The following PPFIBP2 variants were observed in gnomAD, a reference collection of about 807,000 sequenced individuals.
PPFIBP2 encodes the protein PPFIB scaffold protein 2.
In PPFIBP2, 118 loss-of-function variants were observed where a neutral mutation model predicts 118.3. The ratio of observed to expected loss-of-function variants is 1.00; its 90% CI spans 0.86 to 1.16. PPFIBP2 has a LOEUF of 1.16. Ranked by LOEUF, PPFIBP2 falls within the 50% of genes most tolerant of loss-of-function variation. The pLI, the probability that PPFIBP2 is intolerant of heterozygous loss-of-function variation, is 0.00. For missense variants in PPFIBP2, 1,195 were observed against 1,073.1 expected (o/e 1.11, Z -1.59); for synonymous variants, 414 against 397.4 (o/e 1.04, Z -0.50).
chr11:7,667,058 C>T, the PPFIBP2 span: 1 of 152,486 alleles, frequency 6.6e-6, no homozygotes, highest in African/African-American at 2.4e-5. Context: ...CAAAAATAAC[C>T]TGTCACAGCC....
intron 19 of PPFIBP2, 96 bp from the exon 20 acceptor site, chr11:7,649,051 A>G: frequency 7.1e-7 from 1 of 1,408,276 alleles, no homozygotes; most frequent in South Asian, 1.2e-5. Context: ...GGGGGAATAA[A>G]ACGAACCTCA....
intron 2 of PPFIBP2, among the ~76,000 whole-genome samples, chr11:7,562,472 ACATTCCTGTCATATCCTAT>A (rs1206065389): frequency 6.6e-6 from 1 of 152,164 alleles, no homozygotes; most frequent in African/African-American, 2.4e-5. Flanking sequence ...CTTGGAAGTG[ACATTCCTGTCATATCCTAT>A]CATTTCTGTC....
chr11:7,661,401 A>G (rs1433415226), downstream of PPFIBP2, among the ~76,000 whole-genome samples: 2 of 151,256 alleles, frequency 1.3e-5, no homozygotes, highest in Non-Finnish European at 2.9e-5. Context: ...TCATTTCGTT[A>G]TGTTCCAAGT....
In PPFIBP2 at chr11:7,560,856, C is replaced by A. The variant is rs143929136; in HGVS notation, c.65-4697C>A. Among the ~76,000 whole-genome samples, 1,386 of 152,288 alleles carry A rather than the reference C, an allele frequency of 9.1e-3. 15 individuals are homozygous for A. Among genetic ancestry groups the A allele is most frequent in the Middle Eastern group, 0.014 (4 of 294 alleles). On this transcript the variant is annotated intron_variant, in intron 2 of 23. Transcript: ENST00000299492. ...ATTTACGTAGGTGAAAATTGAATAT[C>A]ATTTTTAAATGTTCTATTTACCAAT...
intron 20 of PPFIBP2, 67 bp downstream of exon 20, chr11:7,649,302 G>C: frequency 7.0e-7 from 1 of 1,433,390 alleles, no homozygotes; most frequent in South Asian, 1.2e-5. Context: ...TACCCATGGT[G>C]GTTATTTTAA....
intron 3 of PPFIBP2, among the ~76,000 whole-genome samples, chr11:7,575,376 C>T (rs1856168383): frequency 1.3e-5 from 2 of 151,390 alleles, no homozygotes; most frequent in East Asian, 1.9e-4. Context: ...ACACCTGAGC[C>T]ACAGCTCTAT....
downstream of PPFIBP2, among the ~76,000 whole-genome samples, chr11:7,655,799 C>G (rs1046017713): frequency 2.6e-5 from 4 of 151,798 alleles, no homozygotes; most frequent in African/African-American, 9.7e-5. Flanking sequence ...GATGAGGAAA[C>G]CAAGATGCTC....
chr11:7,549,465 C>G lies in PPFIBP2; in HGVS notation c.-11C>G, dbSNP rs2134528703. ...TAAGAAGAGGAGGAGGCCAGGCAGG[C>G]AAAAGGAGTCATGGCTTCTGATGCT... On this transcript the variant is annotated 5_prime_UTR_variant, in exon 2 of 24. Coordinates refer to ENST00000299492, the MANE Select transcript of PPFIBP2 (RefSeq NM_003621.5). The G allele has an allele frequency of 1.3e-6, 2 of 1,557,172 alleles. No homozygotes were observed. Among genetic ancestry groups the G allele is most frequent in the Non-Finnish European group, 1.7e-6 (2 of 1,149,980 alleles).
At chr11:7,659,551 C>G (rs1197058106), downstream of PPFIBP2, among the ~76,000 whole-genome samples, 1 of 148,458 alleles carries the variant, frequency 6.7e-6, no homozygotes, top group East Asian at 1.9e-4. Context: ...GTTACTGTAG[C>G]CTTGTAGTAT....
At chr11:7,560,405 G>GTA (rs555013012) in intron 2 of PPFIBP2, among the ~76,000 whole-genome samples, 39 of 152,042 alleles carry the variant, frequency 2.6e-4, no homozygotes, top group South Asian at 1.2e-3. Flanking sequence ...GTATTTCTCT[G>GTA]TATATATATA....
At chr11:7,544,169 C>G (rs1026484093) in intron 1 of PPFIBP2, among the ~76,000 whole-genome samples, 11 of 152,196 alleles carry the variant, frequency 7.2e-5, no homozygotes, top group Admixed American at 5.9e-4. Flanking sequence ...TTTTCTTAAA[C>G]AACATACCCT....
chr11:7,610,018 A>G (rs756869789), intron 5 of PPFIBP2, among the ~76,000 whole-genome samples: 9 of 152,368 alleles, frequency 5.9e-5, no homozygotes, highest in Non-Finnish European at 1.2e-4. Flanking sequence ...CATGGAAATA[A>G]TGAATAATGG....
chr11:7,648,758 C>T (rs1055616758), intron 18 of PPFIBP2, 42 bp from the exon 19 acceptor site: 11 of 1,586,428 alleles, frequency 6.9e-6, no homozygotes, highest in East Asian at 2.2e-5. Flanking sequence ...GGCCAAATTG[C>T]CTGCCAAAAT....
At chr11:7,597,927 A>G (rs1345536469) in intron 5 of PPFIBP2, 2 of 411,586 alleles carry the variant, frequency 4.9e-6, no homozygotes, top group Non-Finnish European at 8.9e-6. Flanking sequence ...ATTCCCAGAC[A>G]GCACTTTCTC....
intron 15 of PPFIBP2, chr11:7,640,933 C>T: frequency 2.0e-6 from 2 of 987,784 alleles, no homozygotes; most frequent in Non-Finnish European, 2.8e-6. Flanking sequence ...CTCGATGACA[C>T]TCTTTTGTTT....
intron 10 of PPFIBP2, among the ~76,000 whole-genome samples, chr11:7,629,958 G>A (rs1044210057): frequency 6.6e-6 from 1 of 152,232 alleles, no homozygotes; most frequent in African/African-American, 2.4e-5. Context: ...CCCTCTGGGA[G>A]CCTTCCTCGA....
chr11:7,618,986 T>C (rs551270362), intron 6 of PPFIBP2, among the ~76,000 whole-genome samples: 2 of 149,282 alleles, frequency 1.3e-5, no homozygotes, highest in South Asian at 2.1e-4. Flanking sequence ...AATTCAAGGG[T>C]AAGCAATGTC....
chr11:7,517,927 G>T (rs544983818), intron 1 of PPFIBP2, among the ~76,000 whole-genome samples: 4 of 152,342 alleles, frequency 2.6e-5, no homozygotes, highest in South Asian at 4.1e-4. Context: ...TTCCAGTGGG[G>T]TCCTCCGCAG....
the PPFIBP2 span, chr11:7,666,509 A>C: frequency 1.2e-6 from 2 of 1,613,486 alleles, no homozygotes; most frequent in East Asian, 4.5e-5. Flanking sequence ...GAGTCCTGGC[A>C]ATTTCTTCAA....
Sources: gnomAD v4.1 joint callset for allele counts (sites outside exome capture counted in the v4.1 genomes callset) on GRCh38, gnomAD v4.1.1 for gene constraint, MANE v1.5 for transcripts, NCBI Gene and HGNC (gene_info 2026-07-23, HGNC 2026-07-21) for gene names.